CCDC144A: variants seen among roughly 807,000 people sequenced by gnomAD.
The protein encoded by CCDC144A is coiled-coil domain containing 144A, also known as coiled-coil domain-containing protein 144A.
A neutral mutation model predicts 143.8 loss-of-function variants in CCDC144A; 41 were observed. That is an observed-to-expected ratio of 0.29 (90% CI 0.22 to 0.37). The LOEUF is 0.37. Among genes scored for constraint, CCDC144A ranks in the 10% least tolerant of loss-of-function variants. The pLI is 1.00. For synonymous variants in CCDC144A, 242 were observed against 517.9 expected (o/e 0.47, Z 7.23); for missense variants, 637 against 1,488.8 (o/e 0.43, Z 9.41).
At chr17:16,705,853 G>C (rs1391025663) in intron 3 of CCDC144A, 3 of 194,626 alleles carry the variant, frequency 1.5e-5, no homozygotes, top group African/African-American at 7.2e-5. Context: ...GCCGAGGTGG[G>C]TGGATCATGA....
In CCDC144A at chr17:16,702,986, A is replaced by C. The variant is rs530108768; in HGVS notation, c.416-2165A>C. The stretch of plus-strand genomic sequence containing the variant: ...TTTAAGCCAGTCAGATATTCTGGTC[A>C]GCAAATCATGTGTGTGTGTGTTTTG... On this transcript the variant is annotated intron_variant, in intron 2 of 16. Transcript: ENST00000399273. 3.8e-3 allele frequency among the ~76,000 whole-genome samples: 581 copies of C among 152,330 alleles called. 4 individuals carry two copies. The highest frequency in any genetic ancestry group is 0.013 in the African/African-American group (553 of 41,580).
chr17:16,708,543 G>C (rs1912186573), intron 4 of CCDC144A, among the ~76,000 whole-genome samples: 1 of 152,030 alleles, frequency 6.6e-6, no homozygotes. Context: ...TAAGTTTGCT[G>C]GTTCATATTT....
At chr17:16,746,075 C>T (rs1290372085) in intron 12 of CCDC144A, 11 of 1,607,664 alleles carry the variant, frequency 6.8e-6, no homozygotes, top group East Asian at 2.2e-5. Context: ...GCTCCTTCAG[C>T]GAGCCTTCCA....
rs866460704 is a variant in CCDC144A at position 16,753,298 on chromosome 17, A to G, written c.3373-8127A>G. 6.3e-4 allele frequency among the ~76,000 whole-genome samples: 96 copies of G among 152,022 alleles called. 1 individual carries two copies. Among genetic ancestry groups the G allele is most frequent in the Admixed American group, 2.5e-3 (38 of 15,290 alleles). On this transcript the variant is annotated intron_variant, in intron 12 of 16. Transcript: ENST00000399273. The stretch of plus-strand genomic sequence containing the variant: ...CTAAAAACATCAAAATTGGTATTTA[A>G]TAGAGCTTGCGTTCAGTCTGTAGAC...
chr17:16,740,189 G>A (rs1914196373), intron 12 of CCDC144A, among the ~76,000 whole-genome samples: 1 of 152,008 alleles, frequency 6.6e-6, no homozygotes, highest in Non-Finnish European at 1.5e-5. Context: ...TTTCCTCATT[G>A]GAAATTGAGC....
At chr17:16,762,947 A>C (rs1415431319) in intron 14 of CCDC144A, among the ~76,000 whole-genome samples, 3 of 143,844 alleles carry the variant, frequency 2.1e-5, no homozygotes, top group Non-Finnish European at 4.4e-5. Flanking sequence ...TAATTTCTGG[A>C]AGACGACAGC....
rs760344292 is a variant in CCDC144A at position 16,724,787 on chromosome 17, A to ATTTTTTTTTTTTTTTTTTTTT, written c.1892-2724_1892-2704dup. ...AGATTACACGTTCTTGATTAACTGA[A>ATTTTTTTTTTTTTTTTTTTTT]TTTTTTTTTTTTTTTTTTTTTTTTT... On this transcript the variant is annotated intron_variant, in intron 8 of 16. Transcript: ENST00000399273. Among the ~76,000 whole-genome samples, 5 of 35,112 alleles carry ATTTTTTTTTTTTTTTTTTTTT rather than the reference A, an allele frequency of 1.4e-4. 2 individuals are homozygous for ATTTTTTTTTTTTTTTTTTTTT. The highest frequency in any genetic ancestry group is 2.6e-4 in the Non-Finnish European group (5 of 19,348). The allele number at this position is 35,112 out of a possible 152,430, so 23.0% of individuals were successfully genotyped here.
the CCDC144A span, among the ~76,000 whole-genome samples, chr17:16,676,531 A>G: frequency 6.6e-6 from 1 of 151,966 alleles, no homozygotes; most frequent in Admixed American, 6.5e-5. Context: ...AAAAAACACA[A>G]AAAACAAAAC....
At chr17:16,737,606 C>T in intron 12 of CCDC144A, 7 of 1,294,610 alleles carry the variant, frequency 5.4e-6, no homozygotes, top group Non-Finnish European at 7.1e-6. Flanking sequence ...CAGAGGCTAC[C>T]TCACGTTGTC....
rs1188101091 is a variant in CCDC144A at position 16,711,770 on chromosome 17, G to T, written c.1670G>T (p.Gly557Val). Residue 557 changes from glycine (G) to valine (V), a missense_variant, in exon 6 of 17, where the codon GGA (glycine) becomes GTA (valine). Physicochemically the swap from Gly to Val is moderately radical, Grantham distance 109. Transcript: ENST00000399273. Reference sequence around the variant, plus strand: ...ACTACTGTTGGCAATGATGATGATGGACTAAATCAGCAGATTCCTAGGAAG... The same window carrying T: ...ACTACTGTTGGCAATGATGATGATGTACTAAATCAGCAGATTCCTAGGAAG... The part of the protein sequence containing the change: ...DGTTVGNDDD[G>V]LNQQIPRKEN... 1 of 1,594,816 alleles carries T rather than the reference G, an allele frequency of 6.3e-7. No homozygotes were observed. Among genetic ancestry groups the T allele is most frequent in the African/African-American group, 1.3e-5 (1 of 74,678 alleles).
chr17:16,716,476 C>A (rs1171415706), intron 6 of CCDC144A, among the ~76,000 whole-genome samples: 1 of 151,684 alleles, frequency 6.6e-6, no homozygotes, highest in Non-Finnish European at 1.5e-5. Flanking sequence ...GCTGGCAAAT[C>A]CAGCTTTTTA....
Position 16,772,751 on chromosome 17 carries a change from G to T in CCDC144A, c.4141+732G>T, listed in dbSNP as rs368441735. 11 of 1,613,408 alleles carry T rather than the reference G, an allele frequency of 6.8e-6. No homozygotes were observed. In the African/African-American group the frequency reaches 1.2e-4, roughly 18 times the overall value. On this transcript the variant is annotated intron_variant, in intron 16 of 16. Coordinates refer to ENST00000399273, the MANE Select transcript of CCDC144A (RefSeq NM_001382000.1). The stretch of plus-strand genomic sequence containing the variant: ...CCTCCACCGAAAAGCCTACAGTATC[G>T]AGACAAAACTGGGATAGGTGTCCCT...
the CCDC144A span, chr17:16,666,717 C>CA: frequency 1.7e-6 from 1 of 598,250 alleles, no homozygotes; most frequent in African/African-American, 2.0e-5. Flanking sequence ...GGCTCAGGTG[C>CA]AGGGGGCGCT....
intron 12 of CCDC144A, chr17:16,737,398 C>T (rs1469281044): frequency 2.3e-6 from 2 of 872,632 alleles, no homozygotes; most frequent in African/African-American, 3.5e-5. Flanking sequence ...GATCTCCTGA[C>T]CTCGTGATCC....
chr17:16,731,297 A>G (rs1913730609), intron 9 of CCDC144A: 1 of 162,980 alleles, frequency 6.1e-6, no homozygotes, highest in Admixed American at 5.9e-5. Context: ...CTGCAGATAC[A>G]TGGTGTGTGA....
intron 12 of CCDC144A, among the ~76,000 whole-genome samples, chr17:16,757,696 T>C (rs1030546815): frequency 6.6e-6 from 1 of 152,154 alleles, no homozygotes; most frequent in Non-Finnish European, 1.5e-5. Flanking sequence ...CTCCTAAAGG[T>C]ATGTACAGGT....
In CCDC144A at chr17:16,776,226, T is replaced by C. The variant is rs1426704141; in HGVS notation, c.*2593T>C. ...CCATATGAATTTTAAAATAGCTTTT[T>C]CTAGGTCTGTAAAGAATGTGAATAG... On this transcript the variant is annotated 3_prime_UTR_variant, in exon 17 of 17. Coordinates refer to ENST00000399273, the MANE Select transcript of CCDC144A (RefSeq NM_001382000.1). 2 of 152,274 alleles carry C rather than the reference T, an allele frequency of 1.3e-5. No individual in the cohort carries two copies. Among genetic ancestry groups the C allele is most frequent in the Non-Finnish European group, 2.9e-5 (2 of 68,072 alleles). The allele number at this position is 152,274 out of a possible 1,614,324, so 9.4% of individuals were successfully genotyped here.
At chr17:16,705,807 C>T in intron 3 of CCDC144A, 2 of 238,022 alleles carry the variant, frequency 8.4e-6, no homozygotes, top group Non-Finnish European at 1.6e-5. Context: ...ATTTAAAAGA[C>T]ACCTTCCCAC....
intron 15 of CCDC144A, chr17:16,767,437 C>A (rs1915650917): frequency 6.9e-6 from 1 of 145,276 alleles, no homozygotes; most frequent in African/African-American, 2.6e-5. Context: ...TAAGTATTTC[C>A]TATAGGAAAA....
Sources: gnomAD v4.1 joint callset for allele counts (sites outside exome capture counted in the v4.1 genomes callset) on GRCh38, gnomAD v4.1.1 for gene constraint, MANE v1.5 for transcripts, NCBI Gene and HGNC (gene_info 2026-07-23, HGNC 2026-07-21) for gene names.